The following IQGAP2 variants were observed in gnomAD, a reference collection of about 807,000 sequenced individuals.
IQGAP2 encodes the protein IQ motif containing GTPase activating protein 2.
In IQGAP2, 173 loss-of-function variants were observed where a neutral mutation model predicts 201.3. The ratio of observed to expected loss-of-function variants is 0.86; its 90% CI spans 0.76 to 0.98. IQGAP2 has a LOEUF of 0.98. IQGAP2 is among the 50% of genes least tolerant of loss of function. The pLI is 0.00. For missense variants in IQGAP2, 1,687 were observed against 1,864.8 expected (o/e 0.90, Z 1.76); for synonymous variants, 675 against 673.9 (o/e 1.00, Z -0.03).
At position 76,570,575 on chromosome 5, in the gene IQGAP2, T is replaced by C; in HGVS notation, c.304-5T>C. On this transcript the variant is annotated splice_polypyrimidine_tract_variant and splice_region_variant and intron_variant, in intron 3 of 35. Coordinates refer to ENST00000274364, the MANE Select transcript of IQGAP2 (RefSeq NM_006633.5). ...CTCCCTTTTTCCCTCCTATCGTCACTTTAGAAGTCTGGCCTTCATTTTCGA... is the reference window on the plus strand; with the variant it reads ...CTCCCTTTTTCCCTCCTATCGTCACCTTAGAAGTCTGGCCTTCATTTTCGA... 1 of 1,608,810 alleles carries C rather than the reference T, an allele frequency of 6.2e-7. No homozygotes were observed.
intron 2 of IQGAP2, among the ~76,000 whole-genome samples, chr5:76,515,515 G>A (rs1451840019): frequency 6.6e-6 from 1 of 152,174 alleles, no homozygotes; most frequent in Non-Finnish European, 1.5e-5. Flanking sequence ...ATTGCCTCTA[G>A]CATTTAAGAG....
chr5:76,589,951 A>T (rs1303863460), intron 7 of IQGAP2, among the ~76,000 whole-genome samples: 1 of 152,272 alleles, frequency 6.6e-6, no homozygotes. Context: ...TTGAGGTTCT[A>T]GAAATACCTT....
chr5:76,438,022 TTTTTTTTTG>T (rs1434595040), intron 1 of IQGAP2, among the ~76,000 whole-genome samples: 2,840 of 61,914 alleles, frequency 0.046, 102 homozygotes, highest in African/African-American at 0.13. Flanking sequence ...TTTTTTTTTT[TTTTTTTTTG>T]TTTGTTTTTT....
intron 1 of IQGAP2, chr5:76,404,381 C>A: frequency 1.3e-6 from 1 of 784,330 alleles, no homozygotes; most frequent in Non-Finnish European, 1.5e-6. Flanking sequence ...GCTTCATGTG[C>A]AGAGTTCAGA....
chr5:76,612,800 G>A (rs888438281), intron 13 of IQGAP2, among the ~76,000 whole-genome samples: 1 of 152,162 alleles, frequency 6.6e-6, no homozygotes, highest in Admixed American at 6.5e-5. Context: ...TTTCTGGAGG[G>A]AGGATACCTT....
chr5:76,704,580 CAG>C (rs1347605589), intron 35 of IQGAP2, among the ~76,000 whole-genome samples: 13 of 152,160 alleles, frequency 8.5e-5, no homozygotes, highest in African/African-American at 2.9e-4. Context: ...AGTGCATAAT[CAG>C]AACTGGCTAC....
At chr5:76,637,320 G>GCCACATTCAACTGCAGTTCA in intron 16 of IQGAP2, 144 bp downstream of exon 16, 2 of 624,780 alleles carry the variant, frequency 3.2e-6, no homozygotes, top group Non-Finnish European at 5.1e-6. Context: ...ATGAACTGCA[G>GCCACATTCAACTGCAGTTCA]TTGAATGTGG....
At chr5:76,644,830 T>C (rs1202566702) in intron 17 of IQGAP2, among the ~76,000 whole-genome samples, 2 of 152,162 alleles carry the variant, frequency 1.3e-5, no homozygotes, top group East Asian at 3.8e-4. Flanking sequence ...GCATGTAGTA[T>C]TCTGCTTCTA....
chr5:76,441,455 A>C (rs1237445259), intron 1 of IQGAP2: 1 of 979,986 alleles, frequency 1.0e-6, no homozygotes, highest in Non-Finnish European at 1.2e-6. Flanking sequence ...GTCACGGGAT[A>C]TGAGAAAAAG....
At chr5:76,617,541 G>A (rs2069701) in intron 13 of IQGAP2, 55 of 1,490,916 alleles carry the variant, frequency 3.7e-5, no homozygotes, top group South Asian at 5.0e-5. Flanking sequence ...GAAAACAGAC[G>A]TTCTCTGTGA....
At chr5:76,537,274 G>T (rs1759679031) in intron 2 of IQGAP2, among the ~76,000 whole-genome samples, 3 of 152,168 alleles carry the variant, frequency 2.0e-5, no homozygotes, top group African/African-American at 7.2e-5. Context: ...GGTTAATAAA[G>T]GCCTGTCCGG....
chr5:76,553,738 A>C (rs1743720327), intron 2 of IQGAP2, among the ~76,000 whole-genome samples: 1 of 152,288 alleles, frequency 6.6e-6, no homozygotes, highest in Non-Finnish European at 1.5e-5. Flanking sequence ...TTCTCTAGCA[A>C]CCCATAAGAT....
intron 2 of IQGAP2, among the ~76,000 whole-genome samples, chr5:76,508,742 A>G (rs1439207367): frequency 6.6e-6 from 1 of 151,202 alleles, no homozygotes; most frequent in African/African-American, 2.4e-5. Flanking sequence ...ATACAAATTC[A>G]TAGGAAAAAA....
intron 11 of IQGAP2, among the ~76,000 whole-genome samples, chr5:76,602,269 C>G (rs1434598353): frequency 6.6e-6 from 1 of 152,216 alleles, no homozygotes; most frequent in African/African-American, 2.4e-5. Flanking sequence ...CATACTTTCT[C>G]AGTGCTAGAG....
At chr5:76,595,880 A>C (rs938486866) in intron 9 of IQGAP2, among the ~76,000 whole-genome samples, 1 of 152,226 alleles carries the variant, frequency 6.6e-6, no homozygotes. Flanking sequence ...TCAAAGGTAA[A>C]GCAAGATCCT....
At chr5:76,674,420 C>T (rs761681101) in intron 26 of IQGAP2, 57 bp from the exon 27 acceptor site, 20 of 1,007,586 alleles carry the variant, frequency 2.0e-5, no homozygotes, top group Non-Finnish European at 2.8e-5. Context: ...AAAAAGAAAA[C>T]TAAAACTCTT....
At chr5:76,529,056 T>A (rs945235955) in intron 2 of IQGAP2, among the ~76,000 whole-genome samples, 1 of 152,176 alleles carries the variant, frequency 6.6e-6, no homozygotes, top group African/African-American at 2.4e-5. Flanking sequence ...ATAGCATTCA[T>A]GAGCTGGAGA....
At chr5:76,528,731 A>G (rs534408639) in intron 2 of IQGAP2, among the ~76,000 whole-genome samples, 3 of 152,314 alleles carry the variant, frequency 2.0e-5, no homozygotes, top group East Asian at 1.9e-4. Context: ...TTCGTGGCCA[A>G]TATGATTCAT....
At chr5:76,528,591 G>C (rs1441455111) in intron 2 of IQGAP2, among the ~76,000 whole-genome samples, 1 of 152,114 alleles carries the variant, frequency 6.6e-6, no homozygotes, top group African/African-American at 2.4e-5. Flanking sequence ...TAAAAACCAA[G>C]CTCAAGGGAG....
Sources: gnomAD v4.1 joint callset for allele counts (sites outside exome capture counted in the v4.1 genomes callset) on GRCh38, gnomAD v4.1.1 for gene constraint, MANE v1.5 for transcripts, NCBI Gene and HGNC (gene_info 2026-07-23, HGNC 2026-07-21) for gene names.